Variants in DNA2 observed in about 807,000 individuals in gnomAD.
DNA2 encodes DNA replication ATP-dependent helicase/nuclease DNA2.
DNA2 carries 101 observed loss-of-function variants against 119.1 expected under a neutral mutation model. The ratio of observed to expected loss-of-function variants is 0.85; its 90% confidence interval spans 0.72 to 1.00. The LOEUF is 1.00. DNA2 is among the 50% of genes least tolerant of loss of function. The pLI is 0.00. For synonymous variants in DNA2, 366 were observed against 424.4 expected, an observed-to-expected ratio of 0.86 and a Z score of 1.69; for missense variants, 1,121 against 1,255.5, an observed-to-expected ratio of 0.89 and a Z score of 1.62.
chr10:68,429,888 T>C (rs1290440183), intron 14 of DNA2, among the ~76,000 whole-genome samples: 3 of 145,468 alleles, frequency 2.1e-5, no homozygotes, highest in Non-Finnish European at 3.0e-5. Context: ...CCGGATTTTT[T>C]TTTTTTTTTT....
chr10:68,421,122 A>G (rs908519931), intron 17 of DNA2, among the ~76,000 whole-genome samples: 5 of 151,832 alleles, frequency 3.3e-5, no homozygotes, highest in African/African-American at 1.2e-4. Flanking sequence ...TTTTTAGTAG[A>G]GACAGGGTTT....
At position 68,419,128 on chromosome 10, in the gene DNA2, A is replaced by G; in HGVS notation, c.2873T>C (p.Ile958Thr). ...TACTGTATTAACTTCGACCATCCCA[A>G]TAGAACGTGCCAATAAATCATTGAT... Reference protein sequence around the residue: ...KIINDLLARSIGMVEVNTVDK... With the variant: ...KIINDLLARSTGMVEVNTVDK... Residue 958 changes from isoleucine (I) to threonine (T), a missense_variant, in exon 19 of 21, where the codon ATT becomes ACT. Transcript: ENST00000358410. The G allele has an allele frequency of 1.2e-6, 2 of 1,613,498 alleles. No homozygotes were observed. The highest frequency in any genetic ancestry group is 2.7e-5 in the African/African-American group (2 of 75,002).
intron 5 of DNA2, among the ~76,000 whole-genome samples, chr10:68,456,837 TA>T (rs1213393803): frequency 3.9e-3 from 550 of 140,850 alleles, no homozygotes; most frequent in Non-Finnish European, 3.7e-3. Flanking sequence ...TCTGCCAGTT[TA>T]AAAAAAAAAA....
chr10:68,430,954 T>C (rs530385847), intron 13 of DNA2, among the ~76,000 whole-genome samples: 106 of 152,214 alleles, frequency 7.0e-4, no homozygotes, highest in African/African-American at 2.4e-3. Flanking sequence ...GGCAACAAAG[T>C]GAGATGCCAT....
intron 14 of DNA2, among the ~76,000 whole-genome samples, chr10:68,429,567 T>G (rs1408428410): frequency 1.1e-4 from 14 of 128,896 alleles, no homozygotes; most frequent in Non-Finnish European, 2.2e-4. Flanking sequence ...AAAAAATTAG[T>G]CAGGCGTGGT....
chr10:68,443,171 G>T, intron 8 of DNA2, 60 bp from the exon 9 acceptor site: 2 of 1,399,428 alleles, frequency 1.4e-6, no homozygotes, highest in Non-Finnish European at 9.6e-7. Context: ...TGGGTACGAA[G>T]TGAGATAATT....
At chr10:68,444,318 A>G (rs181538840) in intron 8 of DNA2, among the ~76,000 whole-genome samples, 13 of 152,058 alleles carry the variant, frequency 8.5e-5, no homozygotes, top group African/African-American at 3.1e-4. Flanking sequence ...TGAACTAGGG[A>G]GGCGGAGGTT....
chr10:68,468,216 A>G lies in DNA2; in HGVS notation c.348T>C (p.Tyr116=). The G allele has an allele frequency of 6.2e-7, 1 of 1,612,614 alleles. No homozygotes were observed. The highest frequency in any genetic ancestry group is 8.5e-7 in the Non-Finnish European group (1 of 1,179,386). The change falls in exon 3 of 21, where the codon TAT becomes TAC. Residue 116 remains tyrosine, a synonymous_variant. Coordinates refer to ENST00000358410, the MANE Select transcript of DNA2 (RefSeq NM_001080449.3). ...DTWIIDKDFG[Y]LILYPDMLIS... ...TCAGCATGTCTGGATACAGAATCAA[A>G]TATCCAAAATCTTTATCTATTATCC...
chr10:68,462,225 A>G (rs1008645017), intron 4 of DNA2, among the ~76,000 whole-genome samples: 1 of 152,026 alleles, frequency 6.6e-6, no homozygotes, highest in Non-Finnish European at 1.5e-5. Context: ...CACAAAAATT[A>G]GCCGGGTGTG....
At chr10:68,431,636 T>A (rs1478973559) in intron 13 of DNA2, among the ~76,000 whole-genome samples, 1 of 152,216 alleles carries the variant, frequency 6.6e-6, no homozygotes, top group Non-Finnish European at 1.5e-5. Context: ...AAATATCACA[T>A]ACCACTAACG....
intron 17 of DNA2, among the ~76,000 whole-genome samples, chr10:68,421,925 A>C (rs140522790): frequency 0.027 from 4,104 of 151,656 alleles, 172 homozygotes; most frequent in African/African-American, 0.094. Context: ...AGCAATTCTC[A>C]TGCCTCAGCC....
chr10:68,465,586 G>T, intron 4 of DNA2, 81 bp downstream of exon 4: 1 of 1,059,334 alleles, frequency 9.4e-7, no homozygotes, highest in Non-Finnish European at 1.3e-6. Flanking sequence ...ATATTGGATA[G>T]TCTACACAAA....
upstream of DNA2, among the ~76,000 whole-genome samples, chr10:68,472,317 C>T (rs1730842942): frequency 6.6e-6 from 1 of 152,192 alleles, no homozygotes; most frequent in South Asian, 2.1e-4. Context: ...AAACCAGGCG[C>T]CCCTGGTTAG....
At chr10:68,459,549 T>G (rs2052228376) in intron 4 of DNA2, among the ~76,000 whole-genome samples, 1 of 152,038 alleles carries the variant, frequency 6.6e-6, no homozygotes, top group Non-Finnish European at 1.5e-5. Context: ...CCTACAGTAG[T>G]GAAAATCACA....
intron 9 of DNA2, among the ~76,000 whole-genome samples, chr10:68,441,879 T>C (rs1215724922): frequency 1.3e-5 from 2 of 152,196 alleles, no homozygotes; most frequent in Admixed American, 6.6e-5. Flanking sequence ...AAGTTTATAA[T>C]GTTATCACCG....
At chr10:68,458,154 C>T (rs2052209933) in intron 5 of DNA2, among the ~76,000 whole-genome samples, 1 of 150,654 alleles carries the variant, frequency 6.6e-6, no homozygotes, top group African/African-American at 2.4e-5. Flanking sequence ...GCCTGGGGGA[C>T]ATAATGAGAC....
intron 20 of DNA2, 121 bp downstream of exon 20, chr10:68,416,588 G>A (rs928204495): frequency 2.2e-5 from 21 of 974,400 alleles, no homozygotes; most frequent in Admixed American, 6.4e-5. Context: ...CAGGAGGATC[G>A]CTTGAGCCCA....
chr10:68,458,989 A>G, intron 5 of DNA2, 115 bp downstream of exon 5: 1 of 929,802 alleles, frequency 1.1e-6, no homozygotes, highest in Non-Finnish European at 1.5e-6. Flanking sequence ...AAAATAAGCA[A>G]GCAAAATGGC....
chr10:68,450,266 C>T lies in DNA2; in HGVS notation c.720-19G>A. 6.8e-7 allele frequency: 1 copy of T among 1,475,026 alleles called. No individual in the cohort carries two copies. 91.4% of individuals were successfully genotyped at this position (1,475,026 alleles called of 1,614,324 possible). ...ACTTGGCCTGAAAAAAAAAAAAGCA[C>T]AAAAACACTTAATTAGAACTCTTAG... On this transcript the variant is annotated intron_variant, in intron 5 of 20. Transcript: ENST00000358410.
Sources: gnomAD v4.1 joint callset for allele counts (sites outside exome capture counted in the v4.1 genomes callset) on GRCh38, gnomAD v4.1.1 for gene constraint, MANE v1.5 for transcripts, NCBI Gene and HGNC (gene_info 2026-07-23, HGNC 2026-07-21) for gene names.